The following PHF19 variants were observed in gnomAD, a reference collection of about 807,000 sequenced individuals.
PHF19 encodes the protein polycomb like 3.
A neutral mutation model predicts 79.8 loss-of-function variants in PHF19; 21 were observed. The observed-to-expected ratio is 0.26, with a 90% CI of 0.19 to 0.38. PHF19 has a LOEUF of 0.38. PHF19 is among the 10% of genes least tolerant of loss of function. The pLI is 1.00. For missense variants in PHF19, 445 were observed against 744.2 expected (o/e 0.60, Z 4.68); for synonymous variants, 273 against 296.3 (o/e 0.92, Z 0.81).
At chr9:120,863,949 T>C in intron 10 of PHF19, 100 bp downstream of exon 10, 2 of 948,424 alleles carry the variant, frequency 2.1e-6, no homozygotes, top group African/African-American at 3.2e-5. Flanking sequence ...AAGGGGAGTA[T>C]CAGAGAGGCA....
At position 120,864,191 on chromosome 9, in the gene PHF19, C is replaced by A. The variant is rs1396051401; in HGVS notation, c.901-75G>T. ...GGGGAGGCCCAAGCCCCTACTCCCTCCCTTCCATCTCCTGATGCTTCTGAG... is the reference window on the plus strand; with the variant it reads ...GGGGAGGCCCAAGCCCCTACTCCCTACCTTCCATCTCCTGATGCTTCTGAG... On this transcript the variant is annotated intron_variant, in intron 9 of 14. Coordinates refer to ENST00000373896, the MANE Select transcript of PHF19 (RefSeq NM_015651.3). 5.2e-5 allele frequency: 63 copies of A among 1,212,088 alleles called. No individual in the cohort carries two copies. The South Asian group carries it at 8.0e-4, about 15-fold the overall frequency. The allele number at this position is 1,212,088 out of a possible 1,614,324, so 75.1% of individuals were successfully genotyped here. A position where few individuals can be genotyped will look rare whatever the true frequency, so the allele number is the denominator to read the frequency against.
intron 3 of PHF19, among the ~76,000 whole-genome samples, chr9:120,871,437 T>A (rs2045891741): frequency 6.6e-6 from 1 of 152,262 alleles, no homozygotes; most frequent in Non-Finnish European, 1.5e-5. Context: ...TTGCTTAATA[T>A]CATTAACAAA....
At chr9:120,903,994 G>A in the PHF19 span, 3 of 152,216 alleles carry the variant, frequency 2.0e-5, no homozygotes, top group African/African-American at 4.8e-5. Flanking sequence ...ATTTCTTTGG[G>A]GTTATACATT....
upstream of PHF19, among the ~76,000 whole-genome samples, chr9:120,881,254 TCTC>T (rs2046179184): frequency 1.3e-5 from 2 of 151,422 alleles, no homozygotes; most frequent in South Asian, 4.2e-4. Flanking sequence ...TTCACGCCCT[TCTC>T]CTGCCTCAGC....
At chr9:120,868,814 G>C (rs2045788092) in intron 6 of PHF19, 1 of 1,028,922 alleles carries the variant, frequency 9.7e-7, no homozygotes, top group African/African-American at 1.7e-5. Flanking sequence ...TCACCTCCCT[G>C]GGGCCCTGCT....
chr9:120,876,599 G>T (rs2046065330), intron 1 of PHF19, among the ~76,000 whole-genome samples: 1 of 152,206 alleles, frequency 6.6e-6, no homozygotes. Flanking sequence ...GGGGCCGGGC[G>T]GGGGCAGGAA....
rs192746557 is a variant in PHF19 at position 120,860,430 on chromosome 9, A to G, written c.1305-245T>C. 2 of 488,514 alleles carry G rather than the reference A, an allele frequency of 4.1e-6. No homozygotes were observed. Among genetic ancestry groups the G allele is most frequent in the South Asian group, 2.1e-5 (1 of 48,248 alleles). The allele number at this position is 488,514 out of a possible 1,614,324, so 30.3% of individuals were successfully genotyped here. ...CGTAAGCACTGGTGTCAATAACTCG[A>G]GCGTGATCCAAGGCACCTGTGCAAC... On this transcript the variant is annotated intron_variant, in intron 13 of 14. Coordinates refer to ENST00000373896, the MANE Select transcript of PHF19 (RefSeq NM_015651.3). The surrounding 1 kb of genome is among the most constrained non-coding windows in gnomAD (Gnocchi z 4.1).
At chr9:120,889,512 A>T (rs1286828871) in intron 1 of PHF19, among the ~76,000 whole-genome samples, 1 of 151,640 alleles carries the variant, frequency 6.6e-6, no homozygotes. Context: ...AAGCCGAGGT[A>T]GGAAGATCCT....
the PHF19 span, among the ~76,000 whole-genome samples, chr9:120,900,852 C>G: frequency 2.6e-4 from 39 of 152,366 alleles, 1 homozygote; most frequent in Middle Eastern, 0.01. Context: ...AAGCGTGAGC[C>G]ATTGTGCTTG....
chr9:120,880,758 A>G (rs987651590), upstream of PHF19, among the ~76,000 whole-genome samples: 8 of 151,878 alleles, frequency 5.3e-5, no homozygotes, highest in Admixed American at 6.6e-5. Flanking sequence ...CCAGGAGTTC[A>G]AGACCAGCCT....
In PHF19 at chr9:120,866,647, A is replaced by G. The variant is rs534775011; in HGVS notation, c.710+223T>C. ...TTTATCTAAGGTACTCCAGAAATCA[A>G]TGGCAACTAGGGATGTGGCCCAGCA... On this transcript the variant is annotated intron_variant, in intron 7 of 14. Coordinates refer to ENST00000373896, the MANE Select transcript of PHF19 (RefSeq NM_015651.3). This position sits in a 1 kb window ranked among gnomAD's most constrained non-coding sequence, Gnocchi z 5.2. Among the ~76,000 whole-genome samples, 2 of 152,276 alleles carry G rather than the reference A, an allele frequency of 1.3e-5. No individual in the cohort carries two copies. The highest frequency in any genetic ancestry group is 1.9e-4 in the East Asian group (1 of 5,182).
chr9:120,888,623 G>T (rs1485223876), intron 1 of PHF19, among the ~76,000 whole-genome samples: 1 of 152,184 alleles, frequency 6.6e-6, no homozygotes, highest in African/African-American at 2.4e-5. Context: ...CAAGGGCCTT[G>T]TATCAGTTGG....
chr9:120,888,231 C>A (rs1469877591), intron 1 of PHF19, among the ~76,000 whole-genome samples: 1 of 152,186 alleles, frequency 6.6e-6, no homozygotes, highest in South Asian at 2.1e-4. Flanking sequence ...CCATCTCGGC[C>A]TCCCAAAGTG....
Position 120,858,272 on chromosome 9 carries a change from C to A in PHF19, c.1415G>T (p.Ser472Ile). Reference sequence around the variant, plus strand: ...CTTGGCTGCCAGCTTCCTCTTTCGGCTGCCCACTGTCCATCTGTATCAGAA... The same window carrying A: ...CTTGGCTGCCAGCTTCCTCTTTCGGATGCCCACTGTCCATCTGTATCAGAA... ...LSYDSRWTVG[S>I]RKRKLAAKAY... is the part of the protein sequence containing the mutation. Residue 472 changes from serine (S) to isoleucine (I), a missense_variant, in exon 15 of 15, where the codon AGC becomes ATC. Ser to Ile is a moderately radical substitution (Grantham distance 142). Coordinates refer to ENST00000373896, the MANE Select transcript of PHF19 (RefSeq NM_015651.3). The A allele has an allele frequency of 6.5e-7, 1 of 1,539,674 alleles. No individual in the cohort carries two copies.
At chr9:120,899,178 G>A (rs1255191599), upstream of PHF19, among the ~76,000 whole-genome samples, 2 of 142,400 alleles carry the variant, frequency 1.4e-5, no homozygotes, top group African/African-American at 2.6e-5. Context: ...CAGCCTGGGC[G>A]ACACAACGAG....
chr9:120,887,206 G>A (rs2046276617), intron 1 of PHF19, among the ~76,000 whole-genome samples: 1 of 152,052 alleles, frequency 6.6e-6, no homozygotes, highest in Non-Finnish European at 1.5e-5. Context: ...TATAATCCCA[G>A]CTCTTTGGGA....
chr9:120,872,037 C>CAAAAAAAAAAAAAA (rs1170243737), intron 3 of PHF19, among the ~76,000 whole-genome samples: 6 of 30,322 alleles, frequency 2.0e-4, no homozygotes, highest in African/African-American at 5.3e-4. Context: ...GACTCTGTCT[C>CAAAAAAAAAAAAAA]AAAAAAAAAA....
At chr9:120,882,886 G>T (rs2046208351) in intron 1 of PHF19, among the ~76,000 whole-genome samples, 1 of 151,580 alleles carries the variant, frequency 6.6e-6, no homozygotes, top group Non-Finnish European at 1.5e-5. Flanking sequence ...CACACAAGAG[G>T]CTTTTCACAA....
the PHF19 span, among the ~76,000 whole-genome samples, chr9:120,900,757 G>A: frequency 6.6e-6 from 1 of 152,042 alleles, no homozygotes; most frequent in African/African-American, 2.4e-5. Flanking sequence ...TATAGAGACG[G>A]GATCTTGCTA....
Sources: allele counts gnomAD v4.1 joint callset (sites outside exome capture counted in the v4.1 genomes callset), GRCh38; gene constraint gnomAD v4.1.1; non-coding constraint Gnocchi (gnomAD v3.1); transcripts MANE v1.5; gene names NCBI Gene and HGNC (gene_info 2026-07-23, HGNC 2026-07-21).